The following TBC1D19 variants were observed in gnomAD, a reference collection of about 807,000 sequenced individuals.
The protein encoded by TBC1D19 is TBC1 domain family, member 19.
Under a neutral mutation model 89.0 loss-of-function variants are expected in TBC1D19, and 60 were observed. That is an observed-to-expected ratio of 0.67 (90% CI 0.55 to 0.84). The LOEUF is 0.84. TBC1D19 is among the 40% of genes least tolerant of loss of function. The pLI, the probability that TBC1D19 is intolerant of heterozygous loss-of-function variation, is 0.00. For synonymous variants in TBC1D19, 189 were observed against 199.7 expected, an observed-to-expected ratio of 0.95 and a Z score of 0.45; for missense variants, 500 against 610.8, an observed-to-expected ratio of 0.82 and a Z score of 1.91.
In TBC1D19 at chr4:26,651,071, C is replaced by T. The variant is rs542301905; in HGVS notation, c.481-8526C>T. Among the ~76,000 whole-genome samples the T allele has an allele frequency of 4.3e-4, 66 of 152,248 alleles. 1 individual carries two copies. Among genetic ancestry groups the T allele is most frequent in the African/African-American group, 1.5e-3 (62 of 41,554 alleles). On this transcript the variant is annotated intron_variant, in intron 7 of 20. Transcript: ENST00000264866. ...GAGGGCTCTGTTCTGTTCCATTGGT[C>T]TATATCTCTGTTTTGGTACGAGTAC...
chr4:26,656,621 C>T (rs1744831585), intron 7 of TBC1D19, among the ~76,000 whole-genome samples: 1 of 151,462 alleles, frequency 6.6e-6, no homozygotes, highest in Non-Finnish European at 1.5e-5. Context: ...TGCAGTGGCA[C>T]AATCTTGGCT....
At chr4:26,757,549 TTATAG>T (rs1460548891), downstream of TBC1D19, among the ~76,000 whole-genome samples, 1 of 152,246 alleles carries the variant, frequency 6.6e-6, no homozygotes, top group Non-Finnish European at 1.5e-5. Context: ...TGTTATGACT[TTATAG>T]TATAGAAGAG....
intron 7 of TBC1D19, among the ~76,000 whole-genome samples, chr4:26,648,765 A>G (rs767982182): frequency 2.6e-5 from 4 of 152,158 alleles, no homozygotes; most frequent in Non-Finnish European, 5.9e-5. Context: ...TTAGCTTACT[A>G]AAAGTTTCTC....
the TBC1D19 span, among the ~76,000 whole-genome samples, chr4:26,827,284 A>G: frequency 6.6e-6 from 1 of 152,342 alleles, no homozygotes. Flanking sequence ...TCTCTTCTTC[A>G]TCACCAAATC....
intron 12 of TBC1D19, among the ~76,000 whole-genome samples, chr4:26,685,422 A>G (rs1162243026): frequency 6.6e-6 from 1 of 152,258 alleles, no homozygotes; most frequent in East Asian, 1.9e-4. Flanking sequence ...CTCTTGCTTA[A>G]GAAAAATTGC....
chr4:26,760,249 C>G (rs753127884), downstream of TBC1D19, among the ~76,000 whole-genome samples: 2 of 152,032 alleles, frequency 1.3e-5, no homozygotes, highest in African/African-American at 2.4e-5. Flanking sequence ...AATCTTTTGT[C>G]CATTTTAAAT....
rs371286494 is a variant in TBC1D19 at position 26,659,748 on chromosome 4, A to T, written c.591+41A>T. 66 of 1,330,556 alleles carry T rather than the reference A, an allele frequency of 5.0e-5. No homozygotes were observed. The African/African-American group carries it at 8.7e-4, about 17-fold the overall frequency. The allele number at this position is 1,330,556 out of a possible 1,614,324, so 82.4% of individuals were successfully genotyped here. A position where few individuals can be genotyped will look rare whatever the true frequency, so the allele number is the denominator to read the frequency against. ...TAAAAATAAACATCATTTAGAAGAT[A>T]ACCATTAGAAAAATGTTTTAATACA... On this transcript the variant is annotated intron_variant, in intron 8 of 20. Transcript: ENST00000264866.
the TBC1D19 span, among the ~76,000 whole-genome samples, chr4:26,776,666 T>C: frequency 6.6e-6 from 1 of 152,212 alleles, no homozygotes; most frequent in Non-Finnish European, 1.5e-5. Flanking sequence ...AATAATCTCT[T>C]AAGTTTATAT....
chr4:26,850,115 A>G, the TBC1D19 span, among the ~76,000 whole-genome samples: 3 of 151,998 alleles, frequency 2.0e-5, no homozygotes, highest in Non-Finnish European at 2.9e-5. Context: ...CCAAATTCAT[A>G]TGTTGAAGTC....
upstream of TBC1D19, among the ~76,000 whole-genome samples, chr4:26,580,317 C>T (rs1420516451): frequency 6.6e-6 from 1 of 152,182 alleles, no homozygotes; most frequent in Non-Finnish European, 1.5e-5. Flanking sequence ...GGGGTTTAAG[C>T]ACCTTTGGTG....
chr4:26,841,046 G>T, the TBC1D19 span, among the ~76,000 whole-genome samples: 1 of 152,078 alleles, frequency 6.6e-6, no homozygotes, highest in Non-Finnish European at 1.5e-5. Context: ...TGCATCTCTA[G>T]TCAAGGCCTG....
chr4:26,789,639 G>C, the TBC1D19 span, among the ~76,000 whole-genome samples: 1 of 152,170 alleles, frequency 6.6e-6, no homozygotes, highest in Admixed American at 6.5e-5. Context: ...ATGGAAAACA[G>C]TATGGAGACG....
At chr4:26,660,241 T>C (rs549451006) in intron 8 of TBC1D19, among the ~76,000 whole-genome samples, 1 of 152,260 alleles carries the variant, frequency 6.6e-6, no homozygotes, top group Admixed American at 6.5e-5. Flanking sequence ...TATCACTCCT[T>C]CTTTCAAAGT....
Position 26,646,122 on chromosome 4 carries a change from CAAA to C in TBC1D19, c.480+5955_480+5957del, listed in dbSNP as rs1170955624. 1.2e-4 allele frequency among the ~76,000 whole-genome samples: 5 copies of C among 42,216 alleles called. No individual in the cohort carries two copies. The East Asian group carries it at 1.9e-3, about 16-fold the overall frequency. The allele number at this position is 42,216 out of a possible 152,430, so 27.7% of individuals were successfully genotyped here. A position where few individuals can be genotyped will look rare whatever the true frequency, so the allele number is the denominator to read the frequency against. ...TGGGCGACAGAGCGAGACTCCGTCT[CAAA>C]AAAAAAAAAAAAAAAAAAAGTGGGC... On this transcript the variant is annotated intron_variant, in intron 7 of 20. Transcript: ENST00000264866.
At chr4:26,813,392 GT>G in the TBC1D19 span, among the ~76,000 whole-genome samples, 1 of 152,196 alleles carries the variant, frequency 6.6e-6, no homozygotes, top group Non-Finnish European at 1.5e-5. Context: ...TTAGGGGCAA[GT>G]TTAGCCCCAA....
intron 1 of TBC1D19, among the ~76,000 whole-genome samples, chr4:26,600,356 T>C (rs548986691): frequency 2.0e-5 from 3 of 152,350 alleles, no homozygotes; most frequent in Admixed American, 2.0e-4. Flanking sequence ...AAATGAATAA[T>C]GGTGTACAGG....
chr4:26,621,526 C>T (rs535835036), intron 4 of TBC1D19, among the ~76,000 whole-genome samples: 1 of 152,162 alleles, frequency 6.6e-6, no homozygotes, highest in Non-Finnish European at 1.5e-5. Context: ...TCAGCTTCCA[C>T]AGTTATCATC....
At chr4:26,714,479 C>A (rs532203150) in intron 13 of TBC1D19, among the ~76,000 whole-genome samples, 6 of 152,132 alleles carry the variant, frequency 3.9e-5, no homozygotes, top group African/African-American at 1.2e-4. Context: ...CTCTCAACAG[C>A]ATTTGATTCA....
chr4:26,842,965 G>C, the TBC1D19 span, among the ~76,000 whole-genome samples: 370 of 152,268 alleles, frequency 2.4e-3, 1 homozygote, highest in Middle Eastern at 6.8e-3. Flanking sequence ...TGGGCAATTA[G>C]GAAAAGGCTC....
Sources: gnomAD v4.1 joint callset for allele counts (sites outside exome capture counted in the v4.1 genomes callset) on GRCh38, gnomAD v4.1.1 for gene constraint, MANE v1.5 for transcripts, NCBI Gene and HGNC (gene_info 2026-07-23, HGNC 2026-07-21) for gene names.